Variants in THADA observed in about 807,000 individuals in gnomAD.
THADA encodes tRNA (32-2'-O)-methyltransferase regulator THADA.
A neutral mutation model predicts 219.8 loss-of-function variants in THADA; 213 were observed. The ratio of observed to expected loss-of-function variants is 0.97; its 90% CI spans 0.87 to 1.09. The LOEUF (loss-of-function observed/expected upper bound fraction) is 1.09. Ranked by LOEUF, THADA falls within the 50% of genes least tolerant of loss-of-function variation. THADA has a pLI of 0.00. For synonymous variants in THADA, 1,018 were observed against 828.9 expected, an observed-to-expected ratio of 1.23 and a Z score of -3.92; for missense variants, 2,956 against 2,311.3, an observed-to-expected ratio of 1.28 and a Z score of -5.72.
At chr2:43,500,029 C>A (rs1025309595) in intron 24 of THADA, among the ~76,000 whole-genome samples, 15 of 151,866 alleles carry the variant, frequency 9.9e-5, no homozygotes, top group South Asian at 2.1e-4. Context: ...ACATGACTAA[C>A]CAAGAAGAGA....
intron 36 of THADA, among the ~76,000 whole-genome samples, chr2:43,260,408 T>C (rs1289094636): frequency 6.6e-6 from 1 of 152,244 alleles, no homozygotes; most frequent in African/African-American, 2.4e-5. Context: ...TCTTTTTCTA[T>C]TGTCTTCATT....
chr2:43,245,944 TC>T (rs1181362906), intron 36 of THADA, among the ~76,000 whole-genome samples: 1 of 151,968 alleles, frequency 6.6e-6, no homozygotes. Context: ...TACTAGATAC[TC>T]GCCTCCCAGC....
At chr2:43,580,024 CTTT>C (rs34171011) in intron 8 of THADA, among the ~76,000 whole-genome samples, 2 of 122,810 alleles carry the variant, frequency 1.6e-5, no homozygotes, top group Non-Finnish European at 1.7e-5. Context: ...AAAGCTACTT[CTTT>C]TTTTTTTTTT....
chr2:43,535,344 A>G (rs1694429806), intron 21 of THADA, among the ~76,000 whole-genome samples: 1 of 151,074 alleles, frequency 6.6e-6, no homozygotes, highest in Non-Finnish European at 1.5e-5. Flanking sequence ...ATATAATCCC[A>G]CTTACTTTTT....
intron 31 of THADA, 29 bp downstream of exon 31, chr2:43,320,417 C>T (rs2104461972): frequency 6.4e-7 from 1 of 1,573,540 alleles, no homozygotes; most frequent in East Asian, 2.2e-5. Context: ...TGTAACGATT[C>T]CAAAATACAG....
At chr2:43,591,390 C>G (rs1299298361) in intron 3 of THADA, among the ~76,000 whole-genome samples, 3 of 152,228 alleles carry the variant, frequency 2.0e-5, no homozygotes, top group African/African-American at 7.2e-5. Flanking sequence ...GTCAAGGATA[C>G]TGATTTAAAC....
At chr2:43,507,958 T>C (rs527512537) in intron 23 of THADA, among the ~76,000 whole-genome samples, 9 of 152,330 alleles carry the variant, frequency 5.9e-5, no homozygotes, top group African/African-American at 1.9e-4. Flanking sequence ...TGTTTTCATA[T>C]GTGTTCAAAA....
intron 22 of THADA, among the ~76,000 whole-genome samples, chr2:43,510,775 A>C (rs1271145781): frequency 6.6e-6 from 1 of 151,652 alleles, no homozygotes; most frequent in Non-Finnish European, 1.5e-5. Flanking sequence ...GTTCAAGACC[A>C]CCTTGGCCAA....
At chr2:43,369,548 A>G (rs545323614) in intron 29 of THADA, among the ~76,000 whole-genome samples, 2 of 152,300 alleles carry the variant, frequency 1.3e-5, no homozygotes, top group African/African-American at 2.4e-5. Flanking sequence ...CCTCTCTTCC[A>G]CACTTAAACC....
chr2:43,528,001 A>C lies in THADA; in HGVS notation c.3265-13T>G, dbSNP rs984994328. On this transcript the variant is annotated splice_polypyrimidine_tract_variant and intron_variant, in intron 21 of 37. Coordinates refer to ENST00000405975, the MANE Select transcript of THADA (RefSeq NM_022065.5). ...CTATTTCTTTTACCTTTAAAAAAAA[A>C]GCAAAAACAAATGTCCGATTTATGT... is the stretch of plus-strand genomic sequence containing the variant. 1 of 1,589,562 alleles carries C rather than the reference A, an allele frequency of 6.3e-7. No homozygotes were observed. The highest frequency in any genetic ancestry group is 8.6e-7 in the Non-Finnish European group (1 of 1,160,070).
At chr2:43,425,444 G>GTA (rs1162459125) in intron 28 of THADA, among the ~76,000 whole-genome samples, 3 of 116,450 alleles carry the variant, frequency 2.6e-5, no homozygotes, top group South Asian at 3.2e-4. Context: ...TGTTAAAATT[G>GTA]TATGTGTGTG....
At chr2:43,543,102 C>T (rs1323132336) in intron 20 of THADA, among the ~76,000 whole-genome samples, 8 of 148,300 alleles carry the variant, frequency 5.4e-5, no homozygotes, top group Non-Finnish European at 1.2e-4. Context: ...TCAATTCCCA[C>T]CTATGAGTGA....
chr2:43,518,864 C>G (rs1447279247), intron 22 of THADA, among the ~76,000 whole-genome samples: 1 of 152,110 alleles, frequency 6.6e-6, no homozygotes, highest in Non-Finnish European at 1.5e-5. Context: ...ACATTTACTG[C>G]TAAAATATTG....
intron 36 of THADA, among the ~76,000 whole-genome samples, chr2:43,265,882 A>G (rs1671452619): frequency 6.6e-6 from 1 of 150,826 alleles, no homozygotes; most frequent in South Asian, 2.1e-4. Context: ...CTCATTTGGA[A>G]CAGATTAAGG....
chr2:43,463,007 C>T (rs138213698), intron 26 of THADA: 62 of 152,254 alleles, frequency 4.1e-4, no homozygotes, highest in Admixed American at 3.6e-3. Flanking sequence ...AGGACAGCAA[C>T]AGTTTGAGGG....
At chr2:43,252,975 C>G (rs1361732783) in intron 36 of THADA, among the ~76,000 whole-genome samples, 2 of 152,230 alleles carry the variant, frequency 1.3e-5, no homozygotes, top group Admixed American at 1.3e-4. Context: ...GTCTCTACAT[C>G]TTACTCCCTA....
At chr2:43,513,215 A>C (rs1332856164) in intron 22 of THADA, among the ~76,000 whole-genome samples, 6 of 152,224 alleles carry the variant, frequency 3.9e-5, no homozygotes, top group African/African-American at 1.4e-4. Context: ...GAGAAAAGCA[A>C]GTATTAAAAG....
chr2:43,258,519 T>A (rs1305750678), intron 36 of THADA, among the ~76,000 whole-genome samples: 1 of 152,268 alleles, frequency 6.6e-6, no homozygotes, highest in African/African-American at 2.4e-5. Context: ...TGAAACTCTG[T>A]CTCAAAAAAT....
chr2:43,591,276 G>T (rs1701537204), intron 3 of THADA, among the ~76,000 whole-genome samples: 1 of 152,290 alleles, frequency 6.6e-6, no homozygotes, highest in Non-Finnish European at 1.5e-5. Flanking sequence ...GTTGAGCCAA[G>T]ATCACACCAG....
Sources: gnomAD v4.1 joint callset for allele counts (sites outside exome capture counted in the v4.1 genomes callset) on GRCh38, gnomAD v4.1.1 for gene constraint, MANE v1.5 for transcripts, NCBI Gene and HGNC (gene_info 2026-07-23, HGNC 2026-07-21) for gene names.